The following TTC28 variants were observed in gnomAD, a reference collection of about 807,000 sequenced individuals.
TTC28 encodes tetratricopeptide repeat protein 28.
TTC28 carries 61 observed loss-of-function variants against 198.0 expected under a neutral mutation model. The ratio of observed to expected loss-of-function variants is 0.31; its 90% CI spans 0.25 to 0.38. The LOEUF (loss-of-function observed/expected upper bound fraction) is 0.38. Among genes scored for constraint, TTC28 ranks in the 10% least tolerant of loss-of-function variants. The probability of loss-of-function intolerance (pLI) is 1.00; values close to 1 mark genes in which losing one functional copy is unlikely to be tolerated. For synonymous variants in TTC28, 1,171 were observed against 1,297.8 expected, an observed-to-expected ratio of 0.90 and a Z score of 2.10; for missense variants, 2,678 against 3,164.0, an observed-to-expected ratio of 0.85 and a Z score of 3.69.
At chr22:28,448,648 C>T (rs943860455) in intron 2 of TTC28, among the ~76,000 whole-genome samples, 1 of 152,166 alleles carries the variant, frequency 6.6e-6, no homozygotes, top group Non-Finnish European at 1.5e-5. Context: ...ACATTTCACA[C>T]AGTTGGGTAA....
At chr22:28,647,697 G>A (rs2146254869) in intron 1 of TTC28, among the ~76,000 whole-genome samples, 1 of 151,314 alleles carries the variant, frequency 6.6e-6, no homozygotes, top group African/African-American at 2.4e-5. Flanking sequence ...AAATTAGCCG[G>A]GTGTGGTGGC....
chr22:28,305,647 A>C (rs2045129238), intron 3 of TTC28, among the ~76,000 whole-genome samples: 1 of 152,198 alleles, frequency 6.6e-6, no homozygotes, highest in African/African-American at 2.4e-5. Context: ...TTCAGACTGA[A>C]AAACAGTTCT....
At chr22:28,357,121 A>G (rs755875831) in intron 2 of TTC28, among the ~76,000 whole-genome samples, 2 of 152,140 alleles carry the variant, frequency 1.3e-5, no homozygotes, top group Non-Finnish European at 2.9e-5. Context: ...TGACTCAGAA[A>G]AATGAAATGC....
intron 12 of TTC28, among the ~76,000 whole-genome samples, chr22:28,072,829 G>A (rs565234281): frequency 6.6e-6 from 1 of 152,354 alleles, no homozygotes; most frequent in South Asian, 2.1e-4. Context: ...AGGAGATAGA[G>A]TGGGACACAC....
intron 2 of TTC28, among the ~76,000 whole-genome samples, chr22:28,542,704 G>A (rs917006345): frequency 2.6e-5 from 4 of 152,100 alleles, no homozygotes; most frequent in East Asian, 1.9e-4. Context: ...GAATAAACAC[G>A]TAAGAGATAA....
chr22:28,201,531 G>A (rs555358983), intron 5 of TTC28, among the ~76,000 whole-genome samples: 1 of 152,160 alleles, frequency 6.6e-6, no homozygotes, highest in Admixed American at 6.5e-5. Context: ...AGAAGCAAGA[G>A]ATAAGAGAGC....
At chr22:28,512,436 A>G (rs1299408018) in intron 2 of TTC28, among the ~76,000 whole-genome samples, 2 of 152,228 alleles carry the variant, frequency 1.3e-5, no homozygotes, top group Non-Finnish European at 2.9e-5. Flanking sequence ...TACATACCCA[A>G]AGGAATATAA....
chr22:28,125,926 C>A (rs989735905), intron 6 of TTC28, among the ~76,000 whole-genome samples: 4 of 152,120 alleles, frequency 2.6e-5, no homozygotes, highest in African/African-American at 9.7e-5. Context: ...AAAAATACTA[C>A]TCTGGGGGCT....
At chr22:28,338,144 T>C (rs1303845802) in intron 2 of TTC28, among the ~76,000 whole-genome samples, 1 of 152,182 alleles carries the variant, frequency 6.6e-6, no homozygotes, top group Non-Finnish European at 1.5e-5. Flanking sequence ...AAAATTCTTT[T>C]CTTTAAGAAT....
chr22:28,113,650 C>T (rs1043344175), intron 6 of TTC28, among the ~76,000 whole-genome samples: 6 of 152,084 alleles, frequency 3.9e-5, no homozygotes, highest in East Asian at 1.9e-4. Context: ...AGTTCTCTTC[C>T]GTTAGAAATA....
intron 14 of TTC28, 31 bp downstream of exon 14, chr22:28,014,217 G>T: frequency 6.5e-7 from 1 of 1,540,368 alleles, no homozygotes; most frequent in Non-Finnish European, 8.8e-7. Context: ...TTCTGATGCG[G>T]AGGAGCCTTG....
intron 2 of TTC28, among the ~76,000 whole-genome samples, chr22:28,600,287 C>A (rs1261943140): frequency 2.6e-5 from 4 of 152,020 alleles, no homozygotes; most frequent in African/African-American, 9.7e-5. Flanking sequence ...CGCCTGTAGT[C>A]CCCGCTACCT....
At chr22:28,396,952 T>A (rs2046828032) in intron 2 of TTC28, among the ~76,000 whole-genome samples, 1 of 152,154 alleles carries the variant, frequency 6.6e-6, no homozygotes, top group Non-Finnish European at 1.5e-5. Context: ...CTCACCTTAT[T>A]CCTCTGTACA....
At chr22:28,027,435 G>A (rs530564315) in intron 13 of TTC28, among the ~76,000 whole-genome samples, 1 of 152,354 alleles carries the variant, frequency 6.6e-6, no homozygotes, top group African/African-American at 2.4e-5. Context: ...TTCCTGAAGT[G>A]GCAAGGGAGA....
Position 28,044,695 on chromosome 22 carries a change from C to T in TTC28, c.3933-14329G>A, listed in dbSNP as rs1200989358. Reference sequence around the variant, plus strand: ...TTCAATTCCCACCTATGAGTGAGAACATGTGGTGTTTGGTTGAATTTTCTT... The same window carrying T: ...TTCAATTCCCACCTATGAGTGAGAATATGTGGTGTTTGGTTGAATTTTCTT... On this transcript the variant is annotated intron_variant, in intron 12 of 22. Coordinates refer to ENST00000397906, the MANE Select transcript of TTC28 (RefSeq NM_001145418.2). Among the ~76,000 whole-genome samples the T allele has an allele frequency of 5.9e-5, 9 of 152,126 alleles. 1 individual carries two copies. Among genetic ancestry groups the T allele is most frequent in the African/African-American group, 2.2e-4 (9 of 41,416 alleles).
chr22:28,086,887 A>G (rs1941624546), intron 12 of TTC28, among the ~76,000 whole-genome samples: 2 of 152,188 alleles, frequency 1.3e-5, no homozygotes, highest in African/African-American at 4.8e-5. Flanking sequence ...AAACACCTCT[A>G]CGCAAATAAA....
intron 5 of TTC28, among the ~76,000 whole-genome samples, chr22:28,255,171 T>TA (rs1015841594): frequency 6.6e-6 from 1 of 152,054 alleles, no homozygotes; most frequent in Non-Finnish European, 1.5e-5. Flanking sequence ...GCAATTTTTT[T>TA]AAAAAAAGCA....
In TTC28 at chr22:27,982,396, G is replaced by T; in HGVS notation, c.7271C>A (p.Ala2424Asp). ...KELSLQQHDG[A>D]PPKAPPNGHW... is the part of the protein sequence containing the mutation. The stretch of plus-strand genomic sequence containing the variant: ...TCCGTTGGGAGGGGCTTTCGGTGGA[G>T]CTCCGTCATGCTGCTGCAGGGACAG... Residue 2424 changes from alanine to aspartate, a missense_variant, in exon 23 of 23, where the codon GCT becomes GAT. Ala to Asp is a moderately radical substitution (Grantham distance 126, BLOSUM62 -2). Transcript: ENST00000397906. This position sits in a 1 kb window ranked among gnomAD's most constrained non-coding sequence, Gnocchi z 5.2. The T allele has an allele frequency of 1.3e-6, 2 of 1,551,422 alleles. No individual in the cohort carries two copies. Among genetic ancestry groups the T allele is most frequent in the Non-Finnish European group, 1.7e-6 (2 of 1,146,956 alleles).
At chr22:27,990,174 G>C in intron 20 of TTC28, 167 bp from the exon 21 acceptor site, 4 of 933,094 alleles carry the variant, frequency 4.3e-6, no homozygotes, top group Non-Finnish European at 6.0e-6. Flanking sequence ...CTACTGTCCT[G>C]CTGTCCTCTC....
Sources: allele counts gnomAD v4.1 joint callset (sites outside exome capture counted in the v4.1 genomes callset), GRCh38; gene constraint gnomAD v4.1.1; non-coding constraint Gnocchi (gnomAD v3.1); transcripts MANE v1.5; gene names NCBI Gene and HGNC (gene_info 2026-07-23, HGNC 2026-07-21).